THEM6: variants seen among roughly 807,000 people sequenced by gnomAD.
THEM6 encodes thioesterase superfamily member 6, also known as protein THEM6.
In THEM6, 10 loss-of-function variants were observed where a neutral mutation model predicts 13.7. The observed-to-expected ratio is 0.73, with a 90% CI of 0.45 to 1.24. The LOEUF (loss-of-function observed/expected upper bound fraction) is 1.24. Among genes scored for constraint, THEM6 ranks in the 50% most tolerant of loss-of-function variants. The pLI, the probability that THEM6 is intolerant of heterozygous loss-of-function variation, is 0.00. For synonymous variants in THEM6, 161 were observed against 156.0 expected (o/e 1.03, Z -0.24); for missense variants, 317 against 312.6 (o/e 1.01, Z -0.11).
chr8:142,729,366 C>T (rs942324089), intron 1 of THEM6, among the ~76,000 whole-genome samples: 3 of 151,980 alleles, frequency 2.0e-5, no homozygotes, highest in Admixed American at 6.6e-5. Flanking sequence ...GAGAGTACAC[C>T]GAACAAAGGA....
At chr8:142,730,944 A>C (rs1815634726) in intron 1 of THEM6, among the ~76,000 whole-genome samples, 1 of 152,054 alleles carries the variant, frequency 6.6e-6, no homozygotes, top group Non-Finnish European at 1.5e-5. Context: ...ATGGGGTTTC[A>C]CCGTGTTAGC....
At position 142,735,541 on chromosome 8, in the gene THEM6, C is replaced by T; in HGVS notation, c.*102C>T. ...ACTCTGTTCCAGCTGGAGTAGCCTC[C>T]TGACCAGCCTGGCCCACCCTGCTCC... is the stretch of plus-strand genomic sequence containing the variant. On this transcript the variant is annotated 3_prime_UTR_variant, in exon 2 of 2. Coordinates refer to ENST00000336138, the MANE Select transcript of THEM6 (RefSeq NM_016647.3). 2 of 902,894 alleles carry T rather than the reference C, an allele frequency of 2.2e-6. No individual in the cohort carries two copies. The highest frequency in any genetic ancestry group is 2.0e-5 in the Admixed American group (1 of 48,940). 55.9% of individuals were successfully genotyped at this position (902,894 alleles called of 1,614,324 possible).
In THEM6 at chr8:142,727,536, C is replaced by A; in HGVS notation, c.190C>A (p.His64Asn). The change falls in exon 1 of 2, where the codon CAC becomes AAC. Residue 64 changes from histidine (H) to asparagine (N), a missense_variant. By Grantham distance (68) the His-to-Asn change is moderately conservative. Coordinates refer to ENST00000336138, the MANE Select transcript of THEM6 (RefSeq NM_016647.3). ...GCCCTCGGACTTGGACCTGCTGCTG[C>A]ACATGAACAACGCGCGCTACCTGCG... ...VLPSDLDLLL[H>N]MNNARYLREA... 6.4e-7 allele frequency: 1 copy of A among 1,570,898 alleles called. No homozygotes were observed. Among genetic ancestry groups the A allele is most frequent in the South Asian group, 1.1e-5 (1 of 87,202 alleles).
rs1423514675 is a variant in THEM6, at chr8:142,735,984, A to G, written c.*545A>G. On this transcript the variant is annotated 3_prime_UTR_variant, in exon 2 of 2. Transcript: ENST00000336138. Reference sequence around the variant, plus strand: ...GGCCTGGGGCAGAGCCTGGGTGGTCAGAGGCCGGGGCTAGAGGCAGATGGA... The same window carrying G: ...GGCCTGGGGCAGAGCCTGGGTGGTCGGAGGCCGGGGCTAGAGGCAGATGGA... The G allele has an allele frequency of 6.5e-6, 1 of 153,756 alleles. No individual in the cohort carries two copies. The highest frequency in any genetic ancestry group is 1.5e-5 in the Non-Finnish European group (1 of 68,862). 9.5% of individuals were successfully genotyped at this position (153,756 alleles called of 1,614,324 possible). A position where few individuals can be genotyped will look rare whatever the true frequency, so the allele number is the denominator to read the frequency against.
At chr8:142,728,811 G>T (rs1189006171) in intron 1 of THEM6, among the ~76,000 whole-genome samples, 1 of 152,186 alleles carries the variant, frequency 6.6e-6, no homozygotes, top group African/African-American at 2.4e-5. Flanking sequence ...CCTGTAAGAG[G>T]AGGAACGCGT....
At chr8:142,733,386 A>G (rs1815693672) in intron 1 of THEM6, among the ~76,000 whole-genome samples, 1 of 152,256 alleles carries the variant, frequency 6.6e-6, no homozygotes, top group East Asian at 1.9e-4. Context: ...CAGGTCTTTG[A>G]ATAAATTTTG....
At chr8:142,728,126 C>T (rs1292693831) in intron 1 of THEM6, among the ~76,000 whole-genome samples, 4 of 152,210 alleles carry the variant, frequency 2.6e-5, no homozygotes, top group African/African-American at 7.2e-5. Flanking sequence ...CATTTCTTAA[C>T]CTGGCCCCTC....
intron 1 of THEM6, among the ~76,000 whole-genome samples, chr8:142,728,934 TTTC>T (rs1815581748): frequency 7.4e-6 from 1 of 135,552 alleles, no homozygotes; most frequent in African/African-American, 2.9e-5. Context: ...ATATTACTAT[TTTC>T]TTTTTTTTTT....
chr8:142,728,147 G>C (rs1038410307), intron 1 of THEM6, among the ~76,000 whole-genome samples: 1 of 152,220 alleles, frequency 6.6e-6, no homozygotes, highest in Admixed American at 6.5e-5. Flanking sequence ...ACGGTTTCGT[G>C]TTCACCCCTC....
chr8:142,728,937 CTTTTTTT>C (rs58263738), intron 1 of THEM6, among the ~76,000 whole-genome samples: 15 of 107,266 alleles, frequency 1.4e-4, no homozygotes, highest in Non-Finnish European at 1.8e-4. Flanking sequence ...TTACTATTTT[CTTTTTTT>C]TTTTTTTTTT....
Position 142,736,153 on chromosome 8 carries a change from G to T in THEM6, c.*714G>T. On this transcript the variant is annotated 3_prime_UTR_variant, in exon 2 of 2. Coordinates refer to ENST00000336138, the MANE Select transcript of THEM6 (RefSeq NM_016647.3). ...AGGGGTCAGACTAGGTGGCACAGGG[G>T]CTCCTGGAAAGACAGCAGGCTTCCT... 6.6e-6 allele frequency: 1 copy of T among 152,456 alleles called. No individual in the cohort carries two copies. The highest frequency in any genetic ancestry group is 1.9e-4 in the East Asian group (1 of 5,192). The allele number at this position is 152,456 out of a possible 1,614,324, so 9.4% of individuals were successfully genotyped here.
At position 142,727,824 on chromosome 8, in the gene THEM6, C is replaced by G. The variant is rs587637117; in HGVS notation, c.478C>G (p.Pro160Ala). ...CCGGCAGCACCTGCTGGGCACCTCA[C>G]CCGAGCGCGTCGTGCAGCACCTGTG... ...RFRQHLLGTS[P>A]ERVVQHLCQR... Residue 160 changes from proline (P) to alanine (A), a missense_variant, in exon 1 of 2, where the codon CCC becomes GCC. Coordinates refer to ENST00000336138, the MANE Select transcript of THEM6 (RefSeq NM_016647.3). The G allele has an allele frequency of 2.1e-6, 3 of 1,460,678 alleles. No homozygotes were observed. The highest frequency in any genetic ancestry group is 2.7e-6 in the Non-Finnish European group (3 of 1,115,066). 90.5% of individuals were successfully genotyped at this position (1,460,678 alleles called of 1,614,324 possible).
intron 1 of THEM6, among the ~76,000 whole-genome samples, chr8:142,728,559 T>G (rs1815568332): frequency 6.6e-6 from 1 of 152,170 alleles, no homozygotes; most frequent in Non-Finnish European, 1.5e-5. Flanking sequence ...TGTGCACCCC[T>G]GGTGTGCCCT....
Position 142,728,957 on chromosome 8 carries a change from TC to T in THEM6, c.513+1099del, listed in dbSNP as rs1306203858. Reference sequence around the variant, plus strand: ...ATTTTCTTTTTTTTTTTTTTTTTTTTCAGACGGATTCTCACTCTGTCGCCCA... The same window carrying T: ...ATTTTCTTTTTTTTTTTTTTTTTTTTAGACGGATTCTCACTCTGTCGCCCA... On this transcript the variant is annotated intron_variant, in intron 1 of 1. Coordinates refer to ENST00000336138, the MANE Select transcript of THEM6 (RefSeq NM_016647.3). Among the ~76,000 whole-genome samples the T allele has an allele frequency of 4.7e-5, 7 of 147,830 alleles. No homozygotes were observed. The East Asian group carries it at 7.8e-4, about 17-fold the overall frequency.
At chr8:142,732,066 TC>T (rs1366155421) in intron 1 of THEM6, among the ~76,000 whole-genome samples, 4 of 149,278 alleles carry the variant, frequency 2.7e-5, no homozygotes, top group Admixed American at 6.7e-5. Context: ...GCTGCTGTTT[TC>T]CCCCCTCTCC....
intron 1 of THEM6, among the ~76,000 whole-genome samples, chr8:142,728,943 T>G (rs962527979): frequency 7.1e-6 from 1 of 140,996 alleles, no homozygotes; most frequent in African/African-American, 2.8e-5. Context: ...TTTTCTTTTT[T>G]TTTTTTTTTT....
chr8:142,729,401 T>C (rs6991446), intron 1 of THEM6, among the ~76,000 whole-genome samples: 120,322 of 152,112 alleles, frequency 0.79, 47,880 homozygotes, highest in Non-Finnish European at 0.83. Flanking sequence ...TAACCTGATG[T>C]GTAACAATCG....
intron 1 of THEM6, chr8:142,734,643 A>C (rs1010244389): frequency 6.5e-6 from 1 of 152,750 alleles, no homozygotes; most frequent in Admixed American, 6.5e-5. Flanking sequence ...GGGAGAGTCC[A>C]GGCCCAGCTC....
rs1587579137 is a variant in THEM6, at chr8:142,727,626, T to C, written c.280T>C (p.Leu94=). ...RCGVLGALRE[L]RAHTVLAASC... ...CGGGGTGCTCGGGGCGCTGAGGGAG[T>C]TGCGGGCGCACACGGTGCTGGCGGC... The change falls in exon 1 of 2, where the codon TTG becomes CTG. Residue 94 remains leucine (L), a synonymous_variant. Coordinates refer to ENST00000336138, the MANE Select transcript of THEM6 (RefSeq NM_016647.3). 1.3e-6 allele frequency: 2 copies of C among 1,493,048 alleles called. No individual in the cohort carries two copies. Among genetic ancestry groups the C allele is most frequent in the Non-Finnish European group, 1.8e-6 (2 of 1,129,680 alleles). The allele number at this position is 1,493,048 out of a possible 1,614,324, so 92.5% of individuals were successfully genotyped here.
Sources: allele counts gnomAD v4.1 joint callset (sites outside exome capture counted in the v4.1 genomes callset), GRCh38; gene constraint gnomAD v4.1.1; transcripts MANE v1.5; gene names NCBI Gene and HGNC (gene_info 2026-07-23, HGNC 2026-07-21).